The following NUP210L variants were observed in gnomAD, a reference collection of about 807,000 sequenced individuals.
NUP210L encodes nuclear pore membrane glycoprotein 210-like.
Under a neutral mutation model 208.5 loss-of-function variants are expected in NUP210L, and 74 were observed. The ratio of observed to expected loss-of-function variants is 0.35; its 90% CI spans 0.29 to 0.43. NUP210L has a LOEUF of 0.43. NUP210L is among the 20% of genes least tolerant of loss of function. NUP210L has a pLI of 1.00. For synonymous variants in NUP210L, 780 were observed against 816.9 expected, an observed-to-expected ratio of 0.95 and a Z score of 0.77; for missense variants, 1,843 against 2,289.4, an observed-to-expected ratio of 0.81 and a Z score of 3.98.
intron 27 of NUP210L, among the ~76,000 whole-genome samples, chr1:154,037,583 G>A (rs1557932205): frequency 6.6e-6 from 1 of 152,048 alleles, no homozygotes; most frequent in Non-Finnish European, 1.5e-5. Flanking sequence ...TATAGGTGAA[G>A]TGTGTTTATT....
At chr1:154,121,985 G>A (rs1051131141) in intron 10 of NUP210L, among the ~76,000 whole-genome samples, 3 of 151,826 alleles carry the variant, frequency 2.0e-5, no homozygotes, top group Non-Finnish European at 4.4e-5. Flanking sequence ...ATAGAGAAAA[G>A]TCAATGAAAC....
chr1:154,127,702 T>G (rs1438623887), intron 8 of NUP210L, among the ~76,000 whole-genome samples: 4 of 151,880 alleles, frequency 2.6e-5, no homozygotes, highest in Non-Finnish European at 5.9e-5. Context: ...CGGTGTGCGT[T>G]ACCATGCATG....
At chr1:154,013,085 A>G (rs1433432017) in intron 33 of NUP210L, among the ~76,000 whole-genome samples, 3 of 146,512 alleles carry the variant, frequency 2.0e-5, no homozygotes, top group Non-Finnish European at 4.5e-5. Context: ...AAAAAAAAAG[A>G]CAGGGTCTCA....
At chr1:154,031,061 C>T (rs1652185848) in intron 27 of NUP210L, among the ~76,000 whole-genome samples, 1 of 151,998 alleles carries the variant, frequency 6.6e-6, no homozygotes, top group African/African-American at 2.4e-5. Flanking sequence ...TTTATCCTTT[C>T]TGTTACAGAC....
At chr1:154,029,148 G>C (rs1197517146) in intron 28 of NUP210L, among the ~76,000 whole-genome samples, 1 of 151,112 alleles carries the variant, frequency 6.6e-6, no homozygotes, top group Non-Finnish European at 1.5e-5. Context: ...GGAGGCTGAG[G>C]CGGGCAGATC....
In NUP210L at chr1:154,144,938, G is replaced by A. The variant is rs1318504781; in HGVS notation, c.341-1361C>T. On this transcript the variant is annotated intron_variant, in intron 2 of 39. Coordinates refer to ENST00000368559, the Ensembl canonical transcript of NUP210L. Reference sequence around the variant, plus strand: ...AGCCTGGCCAACATGGTGAAACTCCGTCTCTATTAAAATACAAAAATTAGC... The same window carrying A: ...AGCCTGGCCAACATGGTGAAACTCCATCTCTATTAAAATACAAAAATTAGC... 4.6e-5 allele frequency among the ~76,000 whole-genome samples: 7 copies of A among 151,786 alleles called. No homozygotes were observed. In the East Asian group the frequency reaches 7.8e-4, roughly 17 times the overall value.
intron 21 of NUP210L, 63 bp from the exon 22 acceptor site, chr1:154,058,279 CTT>C: frequency 6.4e-7 from 1 of 1,550,696 alleles, no homozygotes; most frequent in Non-Finnish European, 8.8e-7. Context: ...CAGTCTAACT[CTT>C]AGAGGGCAGT....
chr1:154,035,206 G>T (rs990942120), intron 27 of NUP210L, among the ~76,000 whole-genome samples: 12 of 151,810 alleles, frequency 7.9e-5, no homozygotes, highest in Admixed American at 2.0e-4. Context: ...CTGTCTAAAG[G>T]TTTGTCAATT....
intron 5 of NUP210L, among the ~76,000 whole-genome samples, chr1:154,138,646 A>T (rs190587086): frequency 3.3e-4 from 50 of 152,308 alleles, no homozygotes; most frequent in Non-Finnish European, 6.3e-4. Context: ...GATTTACCCA[A>T]TGCAAGGTTG....
At chr1:154,081,051 T>C (rs1199120075) in intron 16 of NUP210L, among the ~76,000 whole-genome samples, 1 of 145,384 alleles carries the variant, frequency 6.9e-6, no homozygotes, top group East Asian at 2.0e-4. Flanking sequence ...AGAAAAGACA[T>C]ATGACATATA....
At chr1:154,016,761 T>C (rs1012283413) in intron 33 of NUP210L, among the ~76,000 whole-genome samples, 6 of 151,912 alleles carry the variant, frequency 3.9e-5, no homozygotes, top group Non-Finnish European at 7.4e-5. Context: ...ATGGGCAACA[T>C]GGTGAAATGC....
exon 38 of NUP210L, chr1:153,995,090 G>A (rs1649752113): frequency 6.2e-7 from 1 of 1,610,330 alleles, no homozygotes; most frequent in African/African-American, 1.3e-5. Context: ...GAAGATGGAA[G>A]CTGTTGATGC....
intron 7 of NUP210L, among the ~76,000 whole-genome samples, chr1:154,134,407 A>G (rs2148130521): frequency 6.7e-6 from 1 of 149,192 alleles, no homozygotes; most frequent in Non-Finnish European, 1.5e-5. Flanking sequence ...ATTGACTATT[A>G]CAGATCTCCG....
intron 18 of NUP210L, among the ~76,000 whole-genome samples, 190 bp downstream of exon 18, chr1:154,061,396 T>C (rs2147998339): frequency 6.6e-6 from 1 of 151,616 alleles, no homozygotes; most frequent in African/African-American, 2.4e-5. Context: ...ATAATAATAA[T>C]AATAATAATA....
chr1:154,152,439 G>C (rs562590983), intron 2 of NUP210L, among the ~76,000 whole-genome samples: 17 of 151,704 alleles, frequency 1.1e-4, no homozygotes, highest in Non-Finnish European at 2.2e-4. Context: ...CTCCCAAAGT[G>C]GGGGGATTAC....
exon 31 of NUP210L, chr1:154,023,157 G>C: frequency 6.2e-7 from 1 of 1,614,018 alleles, no homozygotes; most frequent in Non-Finnish European, 8.5e-7. Flanking sequence ...TATTGTGTGT[G>C]TGGAATTTCT....
intron 37 of NUP210L, among the ~76,000 whole-genome samples, chr1:153,997,184 G>A (rs1287526942): frequency 4.0e-5 from 6 of 150,510 alleles, no homozygotes; most frequent in African/African-American, 7.3e-5. Context: ...GGATGGTCTC[G>A]AACTCCTCAC....
chr1:154,032,950 GAAGAAAAGAAAAGAA>G (rs146703266), intron 27 of NUP210L, among the ~76,000 whole-genome samples: 2,611 of 124,450 alleles, frequency 0.021, 88 homozygotes, highest in African/African-American at 0.077. Context: ...AAGAAAGAAA[GAAGAAAAGAAAAGAA>G]AAGAAAAGAA....
chr1:153,998,904 T>G (rs1650053148), intron 37 of NUP210L, among the ~76,000 whole-genome samples: 1 of 151,808 alleles, frequency 6.6e-6, no homozygotes. Flanking sequence ...TTAGTAGAGA[T>G]AAGGTCTTGC....
Sources: gnomAD v4.1 joint callset for allele counts (sites outside exome capture counted in the v4.1 genomes callset) on GRCh38, gnomAD v4.1.1 for gene constraint, MANE v1.5 for transcripts, NCBI Gene and HGNC (gene_info 2026-07-23, HGNC 2026-07-21) for gene names.